Variants in RBFOX1 observed in about 807,000 individuals in gnomAD.
RBFOX1 encodes RNA binding protein fox-1 homolog 1.
In RBFOX1, 8 loss-of-function variants were observed where a neutral mutation model predicts 57.7. The ratio of observed to expected loss-of-function variants is 0.14; its 90% CI spans 0.08 to 0.25. The LOEUF (loss-of-function observed/expected upper bound fraction) is 0.25. Among genes scored for constraint, RBFOX1 ranks in the 10% least tolerant of loss-of-function variants. The probability of loss-of-function intolerance (pLI) is 1.00; values close to 1 mark genes in which losing one functional copy is unlikely to be tolerated. For missense variants in RBFOX1, 611 were observed against 548.5 expected (o/e 1.11, Z -1.14); for synonymous variants, 326 against 222.4 (o/e 1.47, Z -4.15).
chr16:5,670,941 G>A (rs2049996154), intron 3 of RBFOX1, among the ~76,000 whole-genome samples: 2 of 152,204 alleles, frequency 1.3e-5, no homozygotes, highest in African/African-American at 4.8e-5. Context: ...GAGGCTCAGA[G>A]AGCACAAGGA....
rs1250416116 is a variant in RBFOX1, at chr16:5,366,461, C to T, written c.220-100755C>T. ...TGAAAAGACTCAGAACCATCATCAA[C>T]ACCAAGATCAAAAGGGCAAGAATCC... On this transcript the variant is annotated intron_variant, in intron 1 of 2. Transcript: ENST00000585867. 10 of 441,402 alleles carry T rather than the reference C, an allele frequency of 2.3e-5. 1 individual carries two copies. In the East Asian group the frequency reaches 2.9e-4, roughly 13 times the overall value. The allele number at this position is 441,402 out of a possible 1,614,324, so 27.3% of individuals were successfully genotyped here. A position where few individuals can be genotyped will look rare whatever the true frequency, so the allele number is the denominator to read the frequency against.
intron 2 of RBFOX1, among the ~76,000 whole-genome samples, chr16:6,370,087 G>A (rs1438125898): frequency 2.0e-5 from 3 of 152,018 alleles, no homozygotes; most frequent in Admixed American, 1.3e-4. Flanking sequence ...GGCCGGGTGC[G>A]GTGGCTTATG....
chr16:6,126,508 T>G (rs1487013104), intron 1 of RBFOX1, among the ~76,000 whole-genome samples: 1 of 152,228 alleles, frequency 6.6e-6, no homozygotes, highest in Non-Finnish European at 1.5e-5. Context: ...TTATGTAATA[T>G]GCCGAAGATC....
intron 1 of RBFOX1, among the ~76,000 whole-genome samples, chr16:5,428,358 A>G (rs998903350): frequency 6.6e-6 from 1 of 152,134 alleles, no homozygotes; most frequent in African/African-American, 2.4e-5. Context: ...TGGGTAAATG[A>G]AAGATTTTTT....
At chr16:7,495,333 C>T (rs1422161623) in intron 4 of RBFOX1, among the ~76,000 whole-genome samples, 2 of 152,140 alleles carry the variant, frequency 1.3e-5, no homozygotes, top group African/African-American at 4.8e-5. Context: ...GGTATTTCCC[C>T]AGTCATGGGA....
chr16:5,369,611 G>A (rs886170989), intron 1 of RBFOX1, among the ~76,000 whole-genome samples: 1 of 152,202 alleles, frequency 6.6e-6, no homozygotes, highest in South Asian at 2.1e-4. Context: ...AGCAGCGGTC[G>A]AGCTGCCTCC....
At chr16:6,502,448 A>C (rs911091781) in intron 2 of RBFOX1, among the ~76,000 whole-genome samples, 1 of 152,152 alleles carries the variant, frequency 6.6e-6, no homozygotes, top group African/African-American at 2.4e-5. Context: ...AATCTCTTTA[A>C]GTCTCAGTTT....
intron 4 of RBFOX1, among the ~76,000 whole-genome samples, chr16:5,961,312 T>G (rs949242311): frequency 6.6e-6 from 1 of 152,190 alleles, no homozygotes; most frequent in African/African-American, 2.4e-5. Flanking sequence ...TACTTATCAT[T>G]ATTCCATATT....
At chr16:5,462,634 G>C (rs2068827642) in intron 1 of RBFOX1, among the ~76,000 whole-genome samples, 1 of 152,080 alleles carries the variant, frequency 6.6e-6, no homozygotes, top group African/African-American at 2.4e-5. Flanking sequence ...AGGAATTTTG[G>C]ATGCTGATCA....
chr16:6,574,780 T>A (rs2097402358), intron 2 of RBFOX1, among the ~76,000 whole-genome samples: 1 of 146,548 alleles, frequency 6.8e-6, no homozygotes, highest in Admixed American at 6.8e-5. Flanking sequence ...GGCTCACGCC[T>A]GTAATCCCAG....
At chr16:6,591,710 C>G (rs758504832) in intron 2 of RBFOX1, among the ~76,000 whole-genome samples, 2 of 152,188 alleles carry the variant, frequency 1.3e-5, no homozygotes, top group Non-Finnish European at 2.9e-5. Flanking sequence ...TAATTTCTAT[C>G]TAATTTGTAC....
chr16:6,089,767 G>T (rs775290873), intron 1 of RBFOX1, among the ~76,000 whole-genome samples: 5 of 152,020 alleles, frequency 3.3e-5, no homozygotes, highest in Non-Finnish European at 7.4e-5. Flanking sequence ...ATTAGAGGTG[G>T]GTGTTTATAG....
intron 4 of RBFOX1, among the ~76,000 whole-genome samples, chr16:7,388,728 A>C (rs899040353): frequency 4.8e-5 from 7 of 145,092 alleles, no homozygotes; most frequent in African/African-American, 1.8e-4. Flanking sequence ...GTATTCAATG[A>C]ATTCCACGAG....
chr16:6,687,636 G>T (rs114340496), intron 3 of RBFOX1, among the ~76,000 whole-genome samples: 1,643 of 152,216 alleles, frequency 0.011, 26 homozygotes, highest in African/African-American at 0.038. Flanking sequence ...CTTCCAAGGG[G>T]AAGTGCCAGG....
chr16:6,063,937 C>T (rs2095723638), intron 1 of RBFOX1, among the ~76,000 whole-genome samples: 1 of 152,196 alleles, frequency 6.6e-6, no homozygotes, highest in Admixed American at 6.5e-5. Context: ...GTAAGCATAA[C>T]ACATATAATA....
intron 1 of RBFOX1, among the ~76,000 whole-genome samples, chr16:6,086,711 T>C (rs1597168213): frequency 6.6e-6 from 1 of 152,204 alleles, no homozygotes. Context: ...TTCTTTTGTG[T>C]GGGATGGAAA....
intron 3 of RBFOX1, among the ~76,000 whole-genome samples, chr16:5,623,544 G>T (rs1012910905): frequency 2.7e-5 from 4 of 150,486 alleles, no homozygotes; most frequent in Admixed American, 2.0e-4. Context: ...TGGTACAGGT[G>T]CAGGTGGCCG....
At chr16:6,178,714 C>T (rs1279905078) in intron 1 of RBFOX1, among the ~76,000 whole-genome samples, 6 of 152,178 alleles carry the variant, frequency 3.9e-5, no homozygotes. Context: ...TCTCGTTCTT[C>T]AAGACTTGTA....
intron 2 of RBFOX1, among the ~76,000 whole-genome samples, chr16:6,359,362 A>C (rs2087978773): frequency 6.6e-6 from 1 of 152,000 alleles, no homozygotes; most frequent in Non-Finnish European, 1.5e-5. Flanking sequence ...CAAAGTGCTG[A>C]GATTACAGAT....
Sources: gnomAD v4.1 joint callset for allele counts (sites outside exome capture counted in the v4.1 genomes callset) on GRCh38, gnomAD v4.1.1 for gene constraint, MANE v1.5 for transcripts, NCBI Gene and HGNC (gene_info 2026-07-23, HGNC 2026-07-21) for gene names.